The following RANBP1 variants were observed in gnomAD, a reference collection of about 807,000 sequenced individuals.
The protein encoded by RANBP1 is ran-specific GTPase-activating protein.
Under a neutral mutation model 31.4 loss-of-function variants are expected in RANBP1, and 16 were observed. The ratio of observed to expected loss-of-function variants is 0.51; its 90% confidence interval spans 0.34 to 0.77. The LOEUF is 0.77. RANBP1 is among the 30% of genes least tolerant of loss of function. The pLI, the probability that RANBP1 is intolerant of heterozygous loss-of-function variation, is 0.01. For missense variants in RANBP1, 265 were observed against 362.0 expected (o/e 0.73, Z 2.17); for synonymous variants, 129 against 140.5 (o/e 0.92, Z 0.58).
At chr22:20,126,777 G>A (rs1165742210) in intron 5 of RANBP1, 175 bp from the exon 6 acceptor site, 16 of 1,336,802 alleles carry the variant, frequency 1.2e-5, no homozygotes, top group South Asian at 5.6e-5. Context: ...GCTTCCTTTC[G>A]TCACTGAATT....
chr22:20,126,162 A>AT (rs2050292831), intron 4 of RANBP1, 141 bp from the exon 5 acceptor site: 2 of 1,000,450 alleles, frequency 2.0e-6, no homozygotes, highest in Non-Finnish European at 2.9e-6. Flanking sequence ...GCCAGGGCCG[A>AT]TGTCAGGTGG....
chr22:20,122,185 A>T, intron 2 of RANBP1, 79 bp from the exon 3 acceptor site: 1 of 1,513,582 alleles, frequency 6.6e-7, no homozygotes, highest in Non-Finnish European at 9.1e-7. Context: ...TGCAGTGCAG[A>T]GTTGTCCTGT....
intron 3 of RANBP1, among the ~76,000 whole-genome samples, chr22:20,123,341 T>G (rs1602546150): frequency 1.6e-5 from 1 of 61,580 alleles, no homozygotes; most frequent in Non-Finnish European, 2.8e-5. Context: ...CTGGGGGTGT[T>G]GGGGTGTGTG....
intron 3 of RANBP1, 93 bp downstream of exon 3, chr22:20,122,514 G>C: frequency 6.3e-7 from 1 of 1,595,864 alleles, no homozygotes; most frequent in Middle Eastern, 1.7e-4. Context: ...TGGGGAGCGT[G>C]TTATTTCATG....
intron 2 of RANBP1, among the ~76,000 whole-genome samples, chr22:20,121,270 A>G (rs991929986): frequency 6.7e-6 from 1 of 148,654 alleles, no homozygotes; most frequent in Non-Finnish European, 1.5e-5. Context: ...TTTTTTTGAG[A>G]TGGAATTTCG....
chr22:20,121,290 C>T (rs991440961), intron 2 of RANBP1, among the ~76,000 whole-genome samples: 4 of 152,042 alleles, frequency 2.6e-5, no homozygotes, highest in Admixed American at 1.3e-4. Context: ...GCTCTTGCTG[C>T]CCAGGCTGGT....
At position 20,116,198 on chromosome 22, in the gene RANBP1, T is replaced by C. The variant is rs2050012043; in HGVS notation, c.14T>C (p.Leu5Ser). Residue 5 changes from leucine to serine, a missense_variant, in exon 1 of 6, where the codon TTG (leucine) becomes TCG (serine). Transcript: ENST00000430524. MGSA[L>S]GRARRTLSGR... ...CTCCTCCTGGCCATGGGGTCGGCCT[T>C]GGGCCGGGCCAGGCGCACACTGAGT... The C allele has an allele frequency of 6.2e-6, 10 of 1,613,050 alleles. No homozygotes were observed. Among genetic ancestry groups the C allele is most frequent in the Non-Finnish European group, 7.6e-6 (9 of 1,179,990 alleles).
At position 20,116,115 on chromosome 22, in the gene RANBP1, A is replaced by AG. The variant is rs771126921; in HGVS notation, c.-66dup. 6.2e-7 allele frequency: 1 copy of AG among 1,612,256 alleles called. No individual in the cohort carries two copies. Among genetic ancestry groups the AG allele is most frequent in the Admixed American group, 1.7e-5 (1 of 59,970 alleles). On this transcript the variant is annotated 5_prime_UTR_variant, in exon 1 of 6. Transcript: ENST00000430524. ...GCTCAGCATAGGGCACTGTCCATAG[A>AG]GGGGTCACCACGTCGGCCACTCGTG...
rs41281433 is a variant in RANBP1 at position 20,117,256 on chromosome 22, C to T, written c.246+826C>T. On this transcript the variant is annotated intron_variant, in intron 1 of 5. Transcript: ENST00000430524. Reference sequence around the variant, plus strand: ...CTGGCTTCTGGCAACGTCATCGTCACGCGCCGGATCCAACCCCCAACCACT... The same window carrying T: ...CTGGCTTCTGGCAACGTCATCGTCATGCGCCGGATCCAACCCCCAACCACT... 3,476 of 567,838 alleles carry T rather than the reference C, an allele frequency of 6.1e-3. 22 individuals carry two copies. The highest frequency in any genetic ancestry group is 7.4e-3 in the Non-Finnish European group (2,755 of 370,012). 35.2% of individuals were successfully genotyped at this position (567,838 alleles called of 1,614,324 possible).
At chr22:20,118,123 G>GGGGCACAGGTCCTAGATGCGC in intron 1 of RANBP1, 1 of 1,000,734 alleles carries the variant, frequency 1.0e-6, no homozygotes, top group Non-Finnish European at 1.2e-6. Flanking sequence ...GTTCCAGCGT[G>GGGGCACAGGTCCTAGATGCGC]GGGCACAGGT....
chr22:20,121,545 G>C (rs532558266), intron 2 of RANBP1, among the ~76,000 whole-genome samples: 2 of 145,766 alleles, frequency 1.4e-5, no homozygotes, highest in East Asian at 2.0e-4. Flanking sequence ...ACTGTGCCCT[G>C]TTTTGTTTTG....
At chr22:20,125,816 C>T (rs758327642) in intron 4 of RANBP1, among the ~76,000 whole-genome samples, 2 of 152,250 alleles carry the variant, frequency 1.3e-5, no homozygotes, top group Non-Finnish European at 2.9e-5. Flanking sequence ...GCCAGGGGCC[C>T]CTCATGGTTG....
At position 20,122,452 on chromosome 22, in the gene RANBP1, C is replaced by T. The variant is rs778083290; in HGVS notation, c.541+31C>T. 4 of 1,611,394 alleles carry T rather than the reference C, an allele frequency of 2.5e-6. No homozygotes were observed. In the East Asian group the frequency reaches 8.9e-5, roughly 36 times the overall value. On this transcript the variant is annotated intron_variant, in intron 3 of 5. Transcript: ENST00000430524. Reference sequence around the variant, plus strand: ...TGGCATGAACGACCACCTCGACAGTCCCCAGCAGCTTGGCCTGGGACCTTT... The same window carrying T: ...TGGCATGAACGACCACCTCGACAGTTCCCAGCAGCTTGGCCTGGGACCTTT...
At chr22:20,117,018 G>C in intron 1 of RANBP1, 1 of 1,410,454 alleles carries the variant, frequency 7.1e-7, no homozygotes, top group Non-Finnish European at 9.7e-7. Flanking sequence ...GCTCAGAGGG[G>C]AGGTGCTCAC....
intron 3 of RANBP1, chr22:20,122,709 A>G: frequency 8.0e-7 from 1 of 1,256,022 alleles, no homozygotes; most frequent in Non-Finnish European, 1.0e-6. Flanking sequence ...TGAGTGCTGC[A>G]GGGCGAGGGG....
intron 2 of RANBP1, among the ~76,000 whole-genome samples, chr22:20,119,888 A>T (rs1036750521): frequency 3.3e-5 from 5 of 152,198 alleles, no homozygotes; most frequent in Admixed American, 6.5e-5. Flanking sequence ...AAAACCACTT[A>T]AAAAAATTCT....
chr22:20,117,294 A>G, intron 1 of RANBP1: 2 of 840,880 alleles, frequency 2.4e-6, no homozygotes, highest in Non-Finnish European at 3.2e-6. Context: ...AGCCAGCTCT[A>G]GAGGCGCGCG....
At chr22:20,116,735 C>G in intron 1 of RANBP1, 1 of 1,402,896 alleles carries the variant, frequency 7.1e-7, no homozygotes, top group Non-Finnish European at 9.7e-7. Flanking sequence ...TGCCCCTCCC[C>G]CAGTCTACCC....
chr22:20,126,490 C>G, intron 5 of RANBP1, 122 bp downstream of exon 5: 1 of 1,597,122 alleles, frequency 6.3e-7, no homozygotes, highest in Non-Finnish European at 8.5e-7. Flanking sequence ...GGCCGCCTCA[C>G]GTATCCAGAG....
Sources: allele counts gnomAD v4.1 joint callset (sites outside exome capture counted in the v4.1 genomes callset), GRCh38; gene constraint gnomAD v4.1.1; transcripts MANE v1.5; gene names NCBI Gene and HGNC (gene_info 2026-07-23, HGNC 2026-07-21).